The following TMCC3 variants were observed in gnomAD, a reference collection of about 807,000 sequenced individuals.
TMCC3 encodes the protein transmembrane and coiled-coil domain family 3.
TMCC3 carries 28 observed loss-of-function variants against 40.2 expected under a neutral mutation model. The observed-to-expected ratio is 0.70, with a 90% CI of 0.52 to 0.95. The LOEUF (loss-of-function observed/expected upper bound fraction) is 0.95, where lower values mean the gene tolerates loss of function less well. TMCC3 is among the 40% of genes least tolerant of loss of function. TMCC3 has a pLI of 0.00. For synonymous variants in TMCC3, 255 were observed against 248.5 expected (o/e 1.03, Z -0.25); for missense variants, 554 against 615.2 (o/e 0.90, Z 1.05).
intron 3 of TMCC3, among the ~76,000 whole-genome samples, chr12:94,575,599 C>T (rs188803579): frequency 6.6e-6 from 1 of 152,242 alleles, no homozygotes; most frequent in Non-Finnish European, 1.5e-5. Flanking sequence ...TCGAAATGAA[C>T]CTCTCTGGAT....
chr12:94,602,473 A>C (rs1408911888), intron 1 of TMCC3, among the ~76,000 whole-genome samples: 1 of 152,230 alleles, frequency 6.6e-6, no homozygotes, highest in Admixed American at 6.5e-5. Context: ...TTCCTTTAAG[A>C]ATAGGTTTTA....
At chr12:94,591,547 C>T (rs949950926) in intron 1 of TMCC3, among the ~76,000 whole-genome samples, 2 of 151,932 alleles carry the variant, frequency 1.3e-5, no homozygotes, top group Admixed American at 6.6e-5. Context: ...CCCAGGATTT[C>T]GAAACCAGCC....
rs188219462 is a variant in TMCC3, at chr12:94,589,385, G to T, written c.79-6847C>A. ...GAAAGTTGGCTGTGAGTCAGTGAGG[G>T]GACCCAGGTTACGGTGGGGCCTCTA... On this transcript the variant is annotated intron_variant, in intron 1 of 3. Transcript: ENST00000261226. 3.3e-5 allele frequency among the ~76,000 whole-genome samples: 5 copies of T among 152,262 alleles called. No individual in the cohort carries two copies. The East Asian group carries it at 9.7e-4, about 29-fold the overall frequency.
chr12:94,619,495 C>T (rs2068864146), intron 1 of TMCC3, among the ~76,000 whole-genome samples: 1 of 152,212 alleles, frequency 6.6e-6, no homozygotes, highest in Admixed American at 6.5e-5. Context: ...GCAGAGGCCC[C>T]TGAGTTTCCT....
In TMCC3 at chr12:94,623,602, T is replaced by C. The variant is rs574628366; in HGVS notation, c.78+26751A>G. The stretch of plus-strand genomic sequence containing the variant: ...GTAAAGAGAGCACGGTGTCCATCTT[T>C]ACCGGCACAGGGGCCAGTCTGGCTA... On this transcript the variant is annotated intron_variant, in intron 1 of 3. Coordinates refer to ENST00000261226, the MANE Select transcript of TMCC3 (RefSeq NM_020698.4). Among the ~76,000 whole-genome samples, 24 of 152,394 alleles carry C rather than the reference T, an allele frequency of 1.6e-4. No individual in the cohort carries two copies. The South Asian group carries it at 3.7e-3, about 24-fold the overall frequency.
chr12:94,571,497 TAGCAAGAAG>T lies in TMCC3; in HGVS notation c.1363_1371del (p.Leu455_Ala457del). The T allele has an allele frequency of 6.2e-7, 1 of 1,614,170 alleles. No individual in the cohort carries two copies. Among genetic ancestry groups the T allele is most frequent in the Non-Finnish European group, 8.5e-7 (1 of 1,180,022 alleles). ...ATATGGTCCCAGTTTTTACAAAATATAGCAAGAAGAGTCACGGCAAAGAAGGTGCCAAGA... is the reference window on the plus strand; with the variant it reads ...ATATGGTCCCAGTTTTTACAAAATATAGTCACGGCAAAGAAGGTGCCAAGA... On this transcript the variant is annotated inframe_deletion, in exon 4 of 4. Transcript: ENST00000261226.
chr12:94,627,973 G>A (rs1339292585), intron 1 of TMCC3, among the ~76,000 whole-genome samples: 2 of 152,218 alleles, frequency 1.3e-5, no homozygotes, highest in African/African-American at 2.4e-5. Flanking sequence ...TGAATGTACT[G>A]AATTGGGCTG....
intron 1 of TMCC3, among the ~76,000 whole-genome samples, chr12:94,637,759 C>T (rs918266602): frequency 2.6e-5 from 4 of 152,198 alleles, no homozygotes; most frequent in South Asian, 4.1e-4. Flanking sequence ...TATAGCCATA[C>T]ATGGGGATCC....
At chr12:94,636,073 G>A (rs1009274731) in intron 1 of TMCC3, among the ~76,000 whole-genome samples, 12 of 152,086 alleles carry the variant, frequency 7.9e-5, no homozygotes, top group Non-Finnish European at 1.2e-4. Context: ...TTCTGTGTTC[G>A]ACAGATTTAA....
chr12:94,616,082 C>CG, intron 1 of TMCC3: 2 of 985,416 alleles, frequency 2.0e-6, no homozygotes, highest in Non-Finnish European at 2.4e-6. Flanking sequence ...CACATTATCT[C>CG]GGGGTATTCC....
chr12:94,578,256 A>G, intron 3 of TMCC3, 138 bp downstream of exon 3: 9 of 949,870 alleles, frequency 9.5e-6, no homozygotes, highest in Non-Finnish European at 1.4e-5. Context: ...TGGTACAGAT[A>G]AAATGTTTGT....
intron 3 of TMCC3, among the ~76,000 whole-genome samples, chr12:94,573,397 C>T (rs1312361489): frequency 6.6e-6 from 1 of 152,206 alleles, no homozygotes; most frequent in African/African-American, 2.4e-5. Flanking sequence ...CCATTTTCCA[C>T]ACAGCCACCC....
At chr12:94,612,263 A>C (rs969801763) in intron 1 of TMCC3, among the ~76,000 whole-genome samples, 6 of 151,374 alleles carry the variant, frequency 4.0e-5, no homozygotes, top group Non-Finnish European at 8.8e-5. Flanking sequence ...GGCCTCCTAA[A>C]GCTGGGATTA....
At chr12:94,635,962 C>A (rs1566336385) in intron 1 of TMCC3, among the ~76,000 whole-genome samples, 1 of 152,096 alleles carries the variant, frequency 6.6e-6, no homozygotes, top group East Asian at 1.9e-4. Flanking sequence ...AGCCACTGAG[C>A]CTGGCCTCAA....
At chr12:94,649,241 C>T (rs2069038372) in intron 1 of TMCC3, among the ~76,000 whole-genome samples, 1 of 152,164 alleles carries the variant, frequency 6.6e-6, no homozygotes. Context: ...CTGGGGCAAT[C>T]GATTACTACT....
In TMCC3 at chr12:94,623,651, G is replaced by A. The variant is rs73226392; in HGVS notation, c.78+26702C>T. Reference sequence around the variant, plus strand: ...TACACCCACGTACAACTACCACCACGTCTATACAACACCAGCTACCCCTTG... The same window carrying A: ...TACACCCACGTACAACTACCACCACATCTATACAACACCAGCTACCCCTTG... On this transcript the variant is annotated intron_variant, in intron 1 of 3. Coordinates refer to ENST00000261226, the MANE Select transcript of TMCC3 (RefSeq NM_020698.4). Among the ~76,000 whole-genome samples the A allele has an allele frequency of 2.9e-3, 438 of 152,328 alleles. 1 individual carries two copies. Among genetic ancestry groups the A allele is most frequent in the Non-Finnish European group, 5.1e-3 (346 of 68,028 alleles).
At position 94,569,090 on chromosome 12, in the gene TMCC3, C is replaced by T. The variant is rs1173180138; in HGVS notation, c.*2345G>A. ...GTGTGGGCTGGTGTGAAAATGAAGC[C>T]TACGTCTTCTTGGACCCTCCCAGAG... is the stretch of plus-strand genomic sequence containing the variant. On this transcript the variant is annotated 3_prime_UTR_variant, in exon 4 of 4. Transcript: ENST00000261226. 6.6e-6 allele frequency: 1 copy of T among 152,228 alleles called. No individual in the cohort carries two copies. Among genetic ancestry groups the T allele is most frequent in the Non-Finnish European group, 1.5e-5 (1 of 68,066 alleles). The allele number at this position is 152,228 out of a possible 1,614,324, so 9.4% of individuals were successfully genotyped here.
chr12:94,624,694 A>C (rs2068893713), intron 1 of TMCC3, among the ~76,000 whole-genome samples: 2 of 150,994 alleles, frequency 1.3e-5, no homozygotes, highest in South Asian at 4.2e-4. Context: ...AGCTTGGGCT[A>C]CAGTGAGATT....
intron 1 of TMCC3, chr12:94,598,765 C>T: frequency 4.1e-6 from 4 of 985,414 alleles, no homozygotes; most frequent in Non-Finnish European, 4.8e-6. Context: ...AGAGAACAGT[C>T]CTCCTCTAAG....
Sources: allele counts gnomAD v4.1 joint callset (sites outside exome capture counted in the v4.1 genomes callset), GRCh38; gene constraint gnomAD v4.1.1; transcripts MANE v1.5; gene names NCBI Gene and HGNC (gene_info 2026-07-23, HGNC 2026-07-21).